SLC27A6: variants seen among roughly 807,000 people sequenced by gnomAD.
SLC27A6 encodes the protein long-chain fatty acid transport protein 6.
SLC27A6 carries 74 observed loss-of-function variants against 63.9 expected under a neutral mutation model. That is an observed-to-expected ratio of 1.16 (90% CI 0.96 to 1.40). SLC27A6 has a LOEUF of 1.40. Ranked by LOEUF, SLC27A6 falls within the 40% of genes most tolerant of loss-of-function variation. The probability of loss-of-function intolerance (pLI) is 0.00; values close to 1 mark genes in which losing one functional copy is unlikely to be tolerated. For missense variants in SLC27A6, 794 were observed against 732.9 expected (o/e 1.08, Z -0.96); for synonymous variants, 287 against 260.8 (o/e 1.10, Z -0.97).
chr5:129,010,386 A>G (rs1175454128), intron 4 of SLC27A6, among the ~76,000 whole-genome samples: 1 of 152,202 alleles, frequency 6.6e-6, no homozygotes, highest in Non-Finnish European at 1.5e-5. Context: ...CAGTAGAAAC[A>G]TTGGCAAAAG....
intron 1 of SLC27A6, among the ~76,000 whole-genome samples, chr5:128,971,631 C>T (rs1324317356): frequency 3.3e-5 from 5 of 151,786 alleles, no homozygotes; most frequent in African/African-American, 1.2e-4. Context: ...TTCCTGCATC[C>T]CTTTATTTTG....
intron 4 of SLC27A6, among the ~76,000 whole-genome samples, chr5:129,003,866 G>A (rs1305562923): frequency 6.6e-6 from 1 of 151,406 alleles, no homozygotes; most frequent in Non-Finnish European, 1.5e-5. Flanking sequence ...TACTTGGGAA[G>A]GTGAGGTGGG....
chr5:128,985,990 C>G (rs1439365642), intron 2 of SLC27A6, among the ~76,000 whole-genome samples: 1 of 152,054 alleles, frequency 6.6e-6, no homozygotes, highest in African/African-American at 2.4e-5. Flanking sequence ...TAAACAACAG[C>G]AATAACAATA....
chr5:128,967,177 TTTC>T (rs1190339324), intron 1 of SLC27A6, among the ~76,000 whole-genome samples: 7 of 139,488 alleles, frequency 5.0e-5, no homozygotes, highest in Non-Finnish European at 8.2e-5. Context: ...AGCCTTTCTG[TTTC>T]TTCTTCTTAT....
At chr5:128,997,049 GTGTTTTATCA>G (rs1371851320) in intron 4 of SLC27A6, among the ~76,000 whole-genome samples, 1 of 152,038 alleles carries the variant, frequency 6.6e-6, no homozygotes, top group Non-Finnish European at 1.5e-5. Flanking sequence ...ATAACTTCAA[GTGTTTTATCA>G]TGTTTTCTCC....
At chr5:129,028,739 T>C (rs1752325586) in intron 8 of SLC27A6, among the ~76,000 whole-genome samples, 1 of 151,834 alleles carries the variant, frequency 6.6e-6, no homozygotes, top group Non-Finnish European at 1.5e-5. Flanking sequence ...TTTATTAGTC[T>C]ATTATTTTTC....
chr5:128,966,003 CG>C lies in SLC27A6; in HGVS notation c.-133del. 9.3e-7 allele frequency: 1 copy of C among 1,075,198 alleles called. No individual in the cohort carries two copies. The highest frequency in any genetic ancestry group is 2.7e-5 in the East Asian group (1 of 37,472). 66.6% of individuals were successfully genotyped at this position (1,075,198 alleles called of 1,614,324 possible). ...GATTCCTCCCCATCCCGCTTCGCCC[CG>C]GAAAAGCTGACAAGAACTTCAGGTG... On this transcript the variant is annotated 5_prime_UTR_variant, in exon 1 of 10. Transcript: ENST00000262462.
intron 1 of SLC27A6, among the ~76,000 whole-genome samples, chr5:128,969,670 T>G (rs919582186): frequency 1.3e-5 from 2 of 152,172 alleles, no homozygotes; most frequent in East Asian, 1.9e-4. Flanking sequence ...TGGGCTGAGA[T>G]GCTGGGGTTC....
At chr5:129,032,826 A>G (rs949870353) in intron 9 of SLC27A6, among the ~76,000 whole-genome samples, 2 of 152,032 alleles carry the variant, frequency 1.3e-5, no homozygotes. Flanking sequence ...AATTGAAGAG[A>G]TAACCTATGT....
At chr5:129,007,672 G>A (rs1231840381) in intron 4 of SLC27A6, among the ~76,000 whole-genome samples, 2 of 151,862 alleles carry the variant, frequency 1.3e-5, no homozygotes, top group African/African-American at 4.8e-5. Context: ...CATTGAAGAG[G>A]TATCCATCTC....
rs116502675 is a variant in SLC27A6, at chr5:129,031,622, T to C, written c.1684-1484T>C. ...TTAATATTCTAAAACACATTTTTTA[T>C]TTCTAGTGTTAAAAATTTTGATATT... On this transcript the variant is annotated intron_variant, in intron 9 of 9. Transcript: ENST00000262462. 2.2e-3 allele frequency among the ~76,000 whole-genome samples: 341 copies of C among 152,072 alleles called. 1 individual carries two copies. Among genetic ancestry groups the C allele is most frequent in the African/African-American group, 8.1e-3 (335 of 41,536 alleles).
At chr5:128,999,582 G>T (rs576511213) in intron 4 of SLC27A6, among the ~76,000 whole-genome samples, 1 of 152,030 alleles carries the variant, frequency 6.6e-6, no homozygotes, top group Non-Finnish European at 1.5e-5. Flanking sequence ...TGTCCACTTA[G>T]AAATCTGACA....
chr5:128,993,126 G>A (rs1212955602), intron 4 of SLC27A6, among the ~76,000 whole-genome samples: 1 of 152,204 alleles, frequency 6.6e-6, no homozygotes, highest in Non-Finnish European at 1.5e-5. Context: ...TGTTCAACAT[G>A]GTTGAAGTGA....
chr5:129,021,633 G>C (rs1026328859), intron 5 of SLC27A6, among the ~76,000 whole-genome samples: 37 of 152,112 alleles, frequency 2.4e-4, no homozygotes, highest in African/African-American at 8.9e-4. Context: ...TGTACATTTG[G>C]GAGATTTTAA....
intron 3 of SLC27A6, among the ~76,000 whole-genome samples, chr5:128,989,491 T>C (rs3932768): frequency 0.061 from 9,269 of 152,296 alleles, 1,076 homozygotes; most frequent in East Asian, 0.54. Context: ...ATATCCACCA[T>C]AAATGAAGAT....
intron 4 of SLC27A6, among the ~76,000 whole-genome samples, chr5:129,015,091 G>A (rs565493265): frequency 2.6e-5 from 4 of 152,042 alleles, no homozygotes; most frequent in African/African-American, 9.6e-5. Context: ...TTGTTATTTT[G>A]CATTTTTTGG....
chr5:128,974,333 A>T (rs1438064201), intron 1 of SLC27A6, among the ~76,000 whole-genome samples: 1 of 152,224 alleles, frequency 6.6e-6, no homozygotes, highest in Non-Finnish European at 1.5e-5. Flanking sequence ...CTGAAGTTTT[A>T]AGCCAAGACT....
intron 1 of SLC27A6, among the ~76,000 whole-genome samples, chr5:128,974,157 G>A (rs2577433): frequency 0.24 from 36,709 of 152,150 alleles, 4,980 homozygotes; most frequent in Middle Eastern, 0.33. Context: ...GAGCATTCAG[G>A]CTTTTCTGTT....
chr5:128,969,616 C>G (rs3098299), intron 1 of SLC27A6, among the ~76,000 whole-genome samples: 36,669 of 152,024 alleles, frequency 0.24, 4,978 homozygotes, highest in Middle Eastern at 0.33. Context: ...CATTGATTTT[C>G]TGTCCTGAGA....
Sources: gnomAD v4.1 joint callset for allele counts (sites outside exome capture counted in the v4.1 genomes callset) on GRCh38, gnomAD v4.1.1 for gene constraint, MANE v1.5 for transcripts, NCBI Gene and HGNC (gene_info 2026-07-23, HGNC 2026-07-21) for gene names.